Variants in TTC9 observed in about 807,000 individuals in gnomAD.
The protein encoded by TTC9 is tetratricopeptide repeat domain 9, also known as tetratricopeptide repeat protein 9A.
A neutral mutation model predicts 22.9 loss-of-function variants in TTC9; 13 were observed. That is an observed-to-expected ratio of 0.57 (90% confidence interval 0.37 to 0.90). The LOEUF (loss-of-function observed/expected upper bound fraction) is 0.90. Among genes scored for constraint, TTC9 ranks in the 40% least tolerant of loss-of-function variants. TTC9 has a pLI of 0.01. For missense variants in TTC9, 280 were observed against 291.8 expected, an observed-to-expected ratio of 0.96 and a Z score of 0.29; for synonymous variants, 148 against 133.2, an observed-to-expected ratio of 1.11 and a Z score of -0.77.
chr14:70,669,690 C>G (rs1041648100), intron 2 of TTC9, among the ~76,000 whole-genome samples: 1 of 151,740 alleles, frequency 6.6e-6, no homozygotes, highest in African/African-American at 2.4e-5. Context: ...TAAAGAACAC[C>G]TTGTTGTTGA....
At position 70,663,561 on chromosome 14, in the gene TTC9, C is replaced by T. The variant is rs145276538; in HGVS notation, c.407-4003C>T. Among the ~76,000 whole-genome samples, 1,163 of 152,310 alleles carry T rather than the reference C, an allele frequency of 7.6e-3. 12 individuals carry two copies. Among genetic ancestry groups the T allele is most frequent in the African/African-American group, 0.027 (1,130 of 41,568 alleles). ...ATAATGCTACTTCTTCCAAGAAGGC[C>T]TCCCATTATACTTTAGATCAAGGTA... On this transcript the variant is annotated intron_variant, in intron 1 of 2. Coordinates refer to ENST00000256367, the MANE Select transcript of TTC9 (RefSeq NM_015351.2).
intron 1 of TTC9, among the ~76,000 whole-genome samples, chr14:70,664,595 G>A (rs1164540960): frequency 2.0e-5 from 3 of 152,070 alleles, no homozygotes; most frequent in Non-Finnish European, 4.4e-5. Context: ...GCATGGTGGC[G>A]GGCATCTGTA....
Position 70,652,264 on chromosome 14 carries a change from A to G in TTC9, c.406+9729A>G, listed in dbSNP as rs537358986. Among the ~76,000 whole-genome samples the G allele has an allele frequency of 7.9e-5, 12 of 152,356 alleles. No individual in the cohort carries two copies. The East Asian group carries it at 2.1e-3, about 27-fold the overall frequency. ...TTCCAGCTTACTGGTATGTGCTGAC[A>G]GTAAGTATTAAATGATCCCAACTGA... On this transcript the variant is annotated intron_variant, in intron 1 of 2. Coordinates refer to ENST00000256367, the MANE Select transcript of TTC9 (RefSeq NM_015351.2).
At chr14:70,661,872 G>A (rs2139647807) in intron 1 of TTC9, among the ~76,000 whole-genome samples, 1 of 152,316 alleles carries the variant, frequency 6.6e-6, no homozygotes, top group East Asian at 1.9e-4. Flanking sequence ...GGAGGAATCT[G>A]TACTTGGGAG....
intron 1 of TTC9, among the ~76,000 whole-genome samples, chr14:70,651,667 A>G (rs544663355): frequency 5.8e-4 from 88 of 152,312 alleles, no homozygotes; most frequent in African/African-American, 1.9e-3. Flanking sequence ...TCTGTTGCAC[A>G]TTAGTGACAG....
Position 70,671,725 on chromosome 14 carries a change from C to T in TTC9, c.*570C>T, listed in dbSNP as rs1886299136. 1 of 143,216 alleles carries T rather than the reference C, an allele frequency of 7.0e-6. No individual in the cohort carries two copies. The highest frequency in any genetic ancestry group is 2.5e-5 in the African/African-American group (1 of 39,722). 8.9% of individuals were successfully genotyped at this position (143,216 alleles called of 1,614,324 possible). ...ACTTAGCCCCTGCCTCCTTCCCCCA[C>T]TCGTTGTCTTGGCTTGTGCTTTCTC... On this transcript the variant is annotated 3_prime_UTR_variant, in exon 3 of 3. Transcript: ENST00000256367.
chr14:70,643,266 G>A (rs1322635790), intron 1 of TTC9, among the ~76,000 whole-genome samples: 1 of 152,180 alleles, frequency 6.6e-6, no homozygotes, highest in Non-Finnish European at 1.5e-5. Context: ...GCTGCTAGGG[G>A]TGAAGGAAAA....
intron 1 of TTC9, 43 bp downstream of exon 1, chr14:70,642,578 G>C (rs1431132644): frequency 6.6e-7 from 1 of 1,504,742 alleles, no homozygotes; most frequent in Admixed American, 2.2e-5. Context: ...CCCGTTCTTC[G>C]GCCCGGTCCC....
chr14:70,642,550 GC>G lies in TTC9; in HGVS notation c.406+21del, dbSNP rs752388917. 9.8e-6 allele frequency: 15 copies of G among 1,526,126 alleles called. No individual in the cohort carries two copies. The Admixed American group carries it at 1.5e-4, about 15-fold the overall frequency. The allele number at this position is 1,526,126 out of a possible 1,614,324, so 94.5% of individuals were successfully genotyped here. A position where few individuals can be genotyped will look rare whatever the true frequency, so the allele number is the denominator to read the frequency against. Reference sequence around the variant, plus strand: ...CAGCCTGGCAGGTGAGCCGCGCCGCGCCCCCCGCGCCGCGGTCCCCGTTCTT... The same window carrying G: ...CAGCCTGGCAGGTGAGCCGCGCCGCGCCCCCGCGCCGCGGTCCCCGTTCTT... On this transcript the variant is annotated intron_variant, in intron 1 of 2. Coordinates refer to ENST00000256367, the MANE Select transcript of TTC9 (RefSeq NM_015351.2).
chr14:70,644,148 A>G lies in TTC9; in HGVS notation c.406+1613A>G, dbSNP rs72719794. Among the ~76,000 whole-genome samples, 1,360 of 152,352 alleles carry G rather than the reference A, an allele frequency of 8.9e-3. 11 individuals are homozygous for G. The highest frequency in any genetic ancestry group is 0.017 in the South Asian group (83 of 4,832). On this transcript the variant is annotated intron_variant, in intron 1 of 2. Transcript: ENST00000256367. ...ATCTTATATTTAGTCAGTATTATCC[A>G]TGGACATTCTAGGGCTGCCAACCAG... is the stretch of plus-strand genomic sequence containing the variant.
chr14:70,645,728 C>T (rs564496418), intron 1 of TTC9, among the ~76,000 whole-genome samples: 1 of 152,332 alleles, frequency 6.6e-6, no homozygotes, highest in South Asian at 2.1e-4. Context: ...TCGACCAGGT[C>T]TGCAGCACCA....
At chr14:70,651,568 C>T (rs1325978169) in intron 1 of TTC9, among the ~76,000 whole-genome samples, 1 of 152,136 alleles carries the variant, frequency 6.6e-6, no homozygotes, top group Admixed American at 6.6e-5. Flanking sequence ...ACTTGTCTCC[C>T]TTTCTGCAGT....
chr14:70,665,093 T>C (rs1480460117), intron 1 of TTC9, among the ~76,000 whole-genome samples: 1 of 152,066 alleles, frequency 6.6e-6, no homozygotes, highest in African/African-American at 2.4e-5. Flanking sequence ...CAAAAACTGT[T>C]ATTTTATTTT....
rs1234272328 is a variant in TTC9 at position 70,655,180 on chromosome 14, G to A, written c.407-12384G>A. On this transcript the variant is annotated intron_variant, in intron 1 of 2. Coordinates refer to ENST00000256367, the MANE Select transcript of TTC9 (RefSeq NM_015351.2). ...AGGCCGAGGTGGGTGGATCACCTGA[G>A]GTTGGGTGTTTGAGAACAGCCTGGC... 2.6e-5 allele frequency among the ~76,000 whole-genome samples: 4 copies of A among 152,232 alleles called. No homozygotes were observed. The East Asian group carries it at 7.7e-4, about 29-fold the overall frequency.
rs1886330193 is a variant in TTC9 at position 70,673,738 on chromosome 14, G to GTAAT, written c.*2586_*2589dup. The GTAAT allele has an allele frequency of 6.6e-6, 1 of 152,266 alleles. No homozygotes were observed. The highest frequency in any genetic ancestry group is 6.5e-5 in the Admixed American group (1 of 15,274). 9.4% of individuals were successfully genotyped at this position (152,266 alleles called of 1,614,324 possible). ...CTTTGTGCGTCAGGAAGGACTCCGAGTAATTATTCCCTATGCAGAGACAGG... is the reference window on the plus strand; with the variant it reads ...CTTTGTGCGTCAGGAAGGACTCCGAGTAATTAATTATTCCCTATGCAGAGACAGG... On this transcript the variant is annotated 3_prime_UTR_variant, in exon 3 of 3. Coordinates refer to ENST00000256367, the MANE Select transcript of TTC9 (RefSeq NM_015351.2).
At chr14:70,660,303 G>A (rs1208727528) in intron 1 of TTC9, among the ~76,000 whole-genome samples, 1 of 152,222 alleles carries the variant, frequency 6.6e-6, no homozygotes, top group African/African-American at 2.4e-5. Flanking sequence ...TCTGATACCT[G>A]TCTGCCCTTG....
intron 2 of TTC9, among the ~76,000 whole-genome samples, chr14:70,670,119 A>G (rs1297452813): frequency 6.6e-6 from 1 of 152,232 alleles, no homozygotes; most frequent in Non-Finnish European, 1.5e-5. Context: ...GCACTTTTAG[A>G]CTTACCTATT....
At position 70,645,303 on chromosome 14, in the gene TTC9, A is replaced by G. The variant is rs368277888; in HGVS notation, c.406+2768A>G. 3.3e-5 allele frequency among the ~76,000 whole-genome samples: 5 copies of G among 152,262 alleles called. No individual in the cohort carries two copies. In the East Asian group the frequency reaches 7.7e-4, roughly 23 times the overall value. On this transcript the variant is annotated intron_variant, in intron 1 of 2. Transcript: ENST00000256367. ...TATGTATTTTCTTTTGTAAAACACT[A>G]AAACGTTTAAAGAAGAAAATACACA...
At position 70,642,566 on chromosome 14, in the gene TTC9, T is replaced by G. The variant is rs774655153; in HGVS notation, c.406+31T>G. The G allele has an allele frequency of 7.5e-6, 11 of 1,460,214 alleles. No individual in the cohort carries two copies. In the South Asian group the frequency reaches 1.1e-4, roughly 15 times the overall value. The allele number at this position is 1,460,214 out of a possible 1,614,324, so 90.5% of individuals were successfully genotyped here. On this transcript the variant is annotated intron_variant, in intron 1 of 2. Transcript: ENST00000256367. Reference sequence around the variant, plus strand: ...CCGCGCCGCGCCCCCCGCGCCGCGGTCCCCGTTCTTCGGCCCGGTCCCTCC... The same window carrying G: ...CCGCGCCGCGCCCCCCGCGCCGCGGGCCCCGTTCTTCGGCCCGGTCCCTCC...
Sources: allele counts gnomAD v4.1 joint callset (sites outside exome capture counted in the v4.1 genomes callset), GRCh38; gene constraint gnomAD v4.1.1; transcripts MANE v1.5; gene names NCBI Gene and HGNC (gene_info 2026-07-23, HGNC 2026-07-21).